Variants in HHAT observed in about 807,000 individuals in gnomAD.
HHAT encodes hedgehog acyltransferase.
Under a neutral mutation model 70.8 loss-of-function variants are expected in HHAT, and 47 were observed. That is an observed-to-expected ratio of 0.66 (90% confidence interval 0.53 to 0.85). The LOEUF is 0.85. Ranked by LOEUF, HHAT falls within the 40% of genes least tolerant of loss-of-function variation. HHAT has a pLI of 0.00. For synonymous variants in HHAT, 228 were observed against 247.6 expected, an observed-to-expected ratio of 0.92 and a Z score of 0.74; for missense variants, 609 against 604.8, an observed-to-expected ratio of 1.01 and a Z score of -0.07.
intron 7 of HHAT, among the ~76,000 whole-genome samples, chr1:210,446,122 C>G (rs1008912370): frequency 1.3e-5 from 2 of 152,092 alleles, no homozygotes; most frequent in African/African-American, 2.4e-5. Flanking sequence ...GGGAGATTCT[C>G]TTGTCGGGTG....
intron 3 of HHAT, among the ~76,000 whole-genome samples, chr1:210,386,032 A>T (rs2091014733): frequency 6.6e-6 from 1 of 152,028 alleles, no homozygotes; most frequent in African/African-American, 2.4e-5. Flanking sequence ...ATCAAGATCA[A>T]TTTTATATGT....
intron 11 of HHAT, among the ~76,000 whole-genome samples, chr1:210,649,053 G>GCTTC (rs1674614035): frequency 6.6e-6 from 1 of 152,176 alleles, no homozygotes; most frequent in Admixed American, 6.5e-5. Flanking sequence ...TATGAAAATA[G>GCTTC]CTTCCTTGGA....
intron 7 of HHAT, among the ~76,000 whole-genome samples, chr1:210,433,553 T>C (rs1490336970): frequency 2.7e-5 from 2 of 73,970 alleles, no homozygotes; most frequent in Non-Finnish European, 5.5e-5. Context: ...TGTTTAATCC[T>C]CTCCTGGTGG....
chr1:210,593,028 GC>G (rs1321877616), intron 10 of HHAT, among the ~76,000 whole-genome samples: 3 of 151,680 alleles, frequency 2.0e-5, no homozygotes, highest in African/African-American at 7.3e-5. Context: ...ATCCCTCCCC[GC>G]TTCCCCCACC....
In HHAT at chr1:210,507,935, C is replaced by G. The variant is rs546863404; in HGVS notation, c.1008-5218C>G. ...CATAGCATGGCCGGGCATGGTGGCT[C>G]ATGCCTGTAATCTCAGCACTTTGGG... On this transcript the variant is annotated intron_variant, in intron 8 of 11. Transcript: ENST00000261458. Among the ~76,000 whole-genome samples the G allele has an allele frequency of 1.3e-3, 203 of 152,004 alleles. 1 individual carries two copies. Among genetic ancestry groups the G allele is most frequent in the African/African-American group, 4.0e-3 (167 of 41,480 alleles).
At chr1:210,414,078 C>T (rs564049078) in intron 6 of HHAT, among the ~76,000 whole-genome samples, 1 of 152,200 alleles carries the variant, frequency 6.6e-6, no homozygotes, top group African/African-American at 2.4e-5. Context: ...ATGTATTGCT[C>T]ACAGTTCTGG....
chr1:210,380,489 G>A (rs1448460562), intron 3 of HHAT, among the ~76,000 whole-genome samples: 2 of 152,062 alleles, frequency 1.3e-5, no homozygotes, highest in South Asian at 2.1e-4. Context: ...GCAGTGAGCC[G>A]AGATCATGCC....
chr1:210,526,248 T>C (rs569739518), intron 9 of HHAT, among the ~76,000 whole-genome samples: 3 of 152,144 alleles, frequency 2.0e-5, no homozygotes, highest in African/African-American at 7.2e-5. Flanking sequence ...ACTGGAGCAG[T>C]GGTGGTGTAA....
intron 6 of HHAT, among the ~76,000 whole-genome samples, chr1:210,407,076 GT>G (rs2092360025): frequency 6.6e-6 from 1 of 152,102 alleles, no homozygotes; most frequent in Non-Finnish European, 1.5e-5. Context: ...AAGCCAGGAG[GT>G]TTCTGCACTT....
intron 3 of HHAT, among the ~76,000 whole-genome samples, chr1:210,381,926 T>G (rs1468076023): frequency 6.6e-6 from 1 of 152,152 alleles, no homozygotes; most frequent in Non-Finnish European, 1.5e-5. Context: ...TACATTTTAG[T>G]CTATTGACCA....
intron 2 of HHAT, among the ~76,000 whole-genome samples, chr1:210,354,874 T>C (rs553063344): frequency 1.8e-4 from 28 of 152,306 alleles, no homozygotes; most frequent in African/African-American, 6.3e-4. Context: ...TTTCAAAAAA[T>C]CATTAGGGTT....
chr1:210,647,392 A>G (rs978187066), intron 11 of HHAT, among the ~76,000 whole-genome samples: 6 of 152,230 alleles, frequency 3.9e-5, no homozygotes, highest in Admixed American at 3.3e-4. Context: ...AATTCAACCC[A>G]TAAGACCTAT....
At chr1:210,456,424 CG>C in intron 7 of HHAT, among the ~76,000 whole-genome samples, 1 of 152,310 alleles carries the variant, frequency 6.6e-6, no homozygotes, top group South Asian at 2.1e-4. Context: ...CCAGATGCAG[CG>C]GGTTCCTGGG....
At chr1:210,361,853 ATGCAGT>A (rs1419522045) in intron 2 of HHAT, among the ~76,000 whole-genome samples, 1 of 152,110 alleles carries the variant, frequency 6.6e-6, no homozygotes, top group Non-Finnish European at 1.5e-5. Context: ...ACCCGCATCC[ATGCAGT>A]TGCCTACAGG....
chr1:210,615,137 T>G (rs1045466272), intron 10 of HHAT, among the ~76,000 whole-genome samples: 6 of 152,216 alleles, frequency 3.9e-5, no homozygotes, highest in African/African-American at 1.4e-4. Context: ...CATTGTGGTT[T>G]TCATTTGCAT....
In HHAT at chr1:210,365,309, G is replaced by GTTTTTTTT. The variant is rs4027290; in HGVS notation, c.159+2408_159+2415dup. Among the ~76,000 whole-genome samples the GTTTTTTTT allele has an allele frequency of 2.3e-3, 179 of 78,388 alleles. 15 individuals carry two copies. The highest frequency in any genetic ancestry group is 2.6e-3 in the East Asian group (6 of 2,316). 51.4% of individuals were successfully genotyped at this position (78,388 alleles called of 152,430 possible). A position where few individuals can be genotyped will look rare whatever the true frequency, so the allele number is the denominator to read the frequency against. On this transcript the variant is annotated intron_variant, in intron 3 of 11. Coordinates refer to ENST00000261458, the MANE Select transcript of HHAT (RefSeq NM_018194.6). ...TTGGTAAACCTCAGTACTGCTGACAGTTTTTTTTTTTTTTTTTTTTTTTTT... is the reference window on the plus strand; with the variant it reads ...TTGGTAAACCTCAGTACTGCTGACAGTTTTTTTTTTTTTTTTTTTTTTTTTTTTTTTTT...
chr1:210,674,307 C>T lies in HHAT; in HGVS notation c.1410C>T (p.Leu470=). Residue 470 remains leucine, a synonymous_variant, in exon 12 of 12, where the codon CTC becomes CTT. Coordinates refer to ENST00000261458, the MANE Select transcript of HHAT (RefSeq NM_018194.6). ...CTGCAGGCTGGCCTTGGGTGACCCT[C>T]TCTGTCCTGGGATTCCTGTACTGCT... is the stretch of plus-strand genomic sequence containing the variant. The part of the protein sequence containing the change: ...IFIQGWPWVT[L]SVLGFLYCYS... 6.2e-7 allele frequency: 1 copy of T among 1,614,190 alleles called. No homozygotes were observed. The highest frequency in any genetic ancestry group is 2.2e-5 in the East Asian group (1 of 44,874).
intron 3 of HHAT, among the ~76,000 whole-genome samples, chr1:210,381,335 C>T (rs1164244113): frequency 6.6e-6 from 1 of 151,920 alleles, no homozygotes; most frequent in Non-Finnish European, 1.5e-5. Context: ...GGTTGGAGTG[C>T]AGTGACATGA....
intron 11 of HHAT, among the ~76,000 whole-genome samples, chr1:210,669,961 G>A (rs1679753501): frequency 6.6e-6 from 1 of 152,176 alleles, no homozygotes; most frequent in Middle Eastern, 3.4e-3. Context: ...ACTCCTGGTG[G>A]AGAAGGGAAA....
Sources: allele counts gnomAD v4.1 joint callset (sites outside exome capture counted in the v4.1 genomes callset), GRCh38; gene constraint gnomAD v4.1.1; transcripts MANE v1.5; gene names NCBI Gene and HGNC (gene_info 2026-07-23, HGNC 2026-07-21).